The following CADM1 variants were observed in gnomAD, a reference collection of about 807,000 sequenced individuals.
CADM1 encodes the protein cell adhesion molecule 1, also known as TSLC-1.
In CADM1, 15 loss-of-function variants were observed where a neutral mutation model predicts 53.1. The observed-to-expected ratio is 0.28, with a 90% CI of 0.19 to 0.44. The LOEUF (loss-of-function observed/expected upper bound fraction) is 0.44, where lower values mean the gene tolerates loss of function less well. Ranked by LOEUF, CADM1 falls within the 20% of genes least tolerant of loss-of-function variation. The pLI is 1.00. For missense variants in CADM1, 434 were observed against 611.3 expected, an observed-to-expected ratio of 0.71 and a Z score of 3.06; for synonymous variants, 281 against 243.0, an observed-to-expected ratio of 1.16 and a Z score of -1.45.
At chr11:115,271,307 G>C (rs1257421894) in intron 1 of CADM1, among the ~76,000 whole-genome samples, 2 of 152,118 alleles carry the variant, frequency 1.3e-5, no homozygotes, top group African/African-American at 4.8e-5. Flanking sequence ...TTTTGAGACA[G>C]AGTGTCACTC....
chr11:115,214,421 G>C, intron 7 of CADM1, 187 bp downstream of exon 7: 1 of 623,364 alleles, frequency 1.6e-6, no homozygotes, highest in African/African-American at 1.8e-5. Context: ...CCATTAGAGG[G>C]AGAGAAGAAA....
intron 1 of CADM1, among the ~76,000 whole-genome samples, chr11:115,258,963 AT>A (rs1942879162): frequency 6.6e-6 from 1 of 152,166 alleles, no homozygotes; most frequent in African/African-American, 2.4e-5. Context: ...TTTAAAGAAC[AT>A]GAAAAAGAGA....
intron 1 of CADM1, among the ~76,000 whole-genome samples, chr11:115,435,669 G>A (rs183553527): frequency 2.5e-4 from 38 of 152,278 alleles, no homozygotes; most frequent in Admixed American, 3.9e-4. Context: ...GGAGGTGGAG[G>A]TTGCAGTGAG....
chr11:115,283,834 C>A (rs374495064), intron 1 of CADM1, among the ~76,000 whole-genome samples: 3 of 152,142 alleles, frequency 2.0e-5, no homozygotes, highest in African/African-American at 7.2e-5. Flanking sequence ...GCTGTAAAGG[C>A]CTGGCCTTGC....
At chr11:115,478,184 G>A (rs989803131) in intron 1 of CADM1, among the ~76,000 whole-genome samples, 3 of 151,918 alleles carry the variant, frequency 2.0e-5, no homozygotes, top group Non-Finnish European at 2.9e-5. Context: ...ATTGTATATG[G>A]AGATCATATA....
At chr11:115,334,457 CAG>C (rs1565371336) in intron 1 of CADM1, among the ~76,000 whole-genome samples, 1 of 145,670 alleles carries the variant, frequency 6.9e-6, no homozygotes, top group Admixed American at 6.9e-5. Flanking sequence ...TTGATGAGTA[CAG>C]TACTCATCAA....
intron 1 of CADM1, among the ~76,000 whole-genome samples, chr11:115,325,856 G>T (rs1245795554): frequency 6.6e-6 from 1 of 152,126 alleles, no homozygotes; most frequent in Non-Finnish European, 1.5e-5. Context: ...ATACTAACAG[G>T]CATTCATTAC....
chr11:115,406,018 T>C (rs571832976), intron 1 of CADM1, among the ~76,000 whole-genome samples: 93 of 152,218 alleles, frequency 6.1e-4, no homozygotes, highest in Non-Finnish European at 1.1e-3. Flanking sequence ...TCAAAAGGCA[T>C]CTGCATCATA....
intron 6 of CADM1, among the ~76,000 whole-genome samples, chr11:115,215,401 T>A (rs1249692161): frequency 1.3e-5 from 2 of 152,194 alleles, no homozygotes; most frequent in East Asian, 3.9e-4. Context: ...CTGTCTCTGA[T>A]GCCCTAGTCC....
chr11:115,302,744 G>A (rs1447165660), intron 1 of CADM1, among the ~76,000 whole-genome samples: 1 of 152,056 alleles, frequency 6.6e-6, no homozygotes, highest in Non-Finnish European at 1.5e-5. Context: ...GGAGGCAACT[G>A]GTTGGCCCAG....
intron 1 of CADM1, among the ~76,000 whole-genome samples, chr11:115,284,168 C>A (rs1943669863): frequency 7.8e-6 from 1 of 128,100 alleles, no homozygotes; most frequent in South Asian, 2.6e-4. Context: ...GGTGAGGAGG[C>A]AGAGAAAGCA....
intron 1 of CADM1, among the ~76,000 whole-genome samples, chr11:115,430,255 C>G (rs577051487): frequency 6.6e-6 from 1 of 152,284 alleles, no homozygotes; most frequent in East Asian, 1.9e-4. Flanking sequence ...CCAGCCATTT[C>G]CCTCCAGCTA....
chr11:115,395,220 T>C (rs1384166186), intron 1 of CADM1, among the ~76,000 whole-genome samples: 2 of 152,190 alleles, frequency 1.3e-5, no homozygotes, highest in Non-Finnish European at 2.9e-5. Flanking sequence ...GATTTCTTGA[T>C]GCTCTCCAAG....
intron 1 of CADM1, among the ~76,000 whole-genome samples, chr11:115,451,799 C>T (rs1810562052): frequency 6.6e-6 from 1 of 151,844 alleles, no homozygotes; most frequent in African/African-American, 2.4e-5. Context: ...TACAGGGAAA[C>T]AATCAGAGGA....
chr11:115,178,967 C>G (rs1042780982), intron 10 of CADM1, 192 bp from the exon 11 acceptor site: 1 of 646,756 alleles, frequency 1.5e-6, no homozygotes, highest in African/African-American at 1.8e-5. Context: ...CTGTTCTCCC[C>G]ACGAGGCAAT....
At position 115,223,668 on chromosome 11, in the gene CADM1, C is replaced by T. The variant is rs151296692; in HGVS notation, c.721+5445G>A. 3.9e-4 allele frequency among the ~76,000 whole-genome samples: 60 copies of T among 152,244 alleles called. 1 individual carries two copies. The highest frequency in any genetic ancestry group is 3.4e-3 in the Middle Eastern group (1 of 294). On this transcript the variant is annotated intron_variant, in intron 5 of 11. Coordinates refer to ENST00000331581, the MANE Select transcript of CADM1 (RefSeq NM_001301043.2). ...TTGCTCACGATGTATTTGCCCAACA[C>T]TCACTCTTTGTATTTTGAATACTGG... is the stretch of plus-strand genomic sequence containing the variant.
At chr11:115,400,661 G>GTA (rs372594262) in intron 1 of CADM1, among the ~76,000 whole-genome samples, 1,440 of 45,922 alleles carry the variant, frequency 0.031, 25 homozygotes, top group Non-Finnish European at 0.043. Flanking sequence ...GTGTGTGTGT[G>GTA]TATATATATA....
chr11:115,246,097 C>T (rs1336594708), intron 1 of CADM1, among the ~76,000 whole-genome samples: 1 of 152,132 alleles, frequency 6.6e-6, no homozygotes, highest in Non-Finnish European at 1.5e-5. Flanking sequence ...AAGAGAGGGG[C>T]CCATCAACTG....
intron 1 of CADM1, among the ~76,000 whole-genome samples, chr11:115,264,948 G>GT (rs1943091507): frequency 6.6e-6 from 1 of 152,146 alleles, no homozygotes; most frequent in African/African-American, 2.4e-5. Flanking sequence ...TGCCATGAAG[G>GT]TAAGTGAACA....
Sources: gnomAD v4.1 joint callset for allele counts (sites outside exome capture counted in the v4.1 genomes callset) on GRCh38, gnomAD v4.1.1 for gene constraint, MANE v1.5 for transcripts, NCBI Gene and HGNC (gene_info 2026-07-23, HGNC 2026-07-21) for gene names.